Variants in RBFOX1 observed in about 807,000 individuals in gnomAD.
RBFOX1 encodes RNA binding fox-1 homolog 1.
RBFOX1 carries 8 observed loss-of-function variants against 57.7 expected under a neutral mutation model. That is an observed-to-expected ratio of 0.14 (90% CI 0.08 to 0.25). RBFOX1 has a LOEUF of 0.25. Ranked by LOEUF, RBFOX1 falls within the 10% of genes least tolerant of loss-of-function variation. The probability of loss-of-function intolerance (pLI) is 1.00; values close to 1 mark genes in which losing one functional copy is unlikely to be tolerated. For synonymous variants in RBFOX1, 326 were observed against 222.4 expected (o/e 1.47, Z -4.15); for missense variants, 611 against 548.5 (o/e 1.11, Z -1.14).
intron 3 of RBFOX1, among the ~76,000 whole-genome samples, chr16:5,787,118 A>G (rs1482524414): frequency 1.3e-5 from 2 of 152,190 alleles, no homozygotes; most frequent in Non-Finnish European, 2.9e-5. Flanking sequence ...TGGGAAACAG[A>G]GTGAGATACT....
chr16:5,335,951 T>A (rs1380941681), intron 1 of RBFOX1, among the ~76,000 whole-genome samples: 1 of 152,196 alleles, frequency 6.6e-6, no homozygotes. Context: ...TCTTGTTTCC[T>A]TTAATCCTCC....
chr16:7,695,361 A>G (rs1476603597), intron 14 of RBFOX1, among the ~76,000 whole-genome samples: 13 of 151,142 alleles, frequency 8.6e-5, no homozygotes, highest in African/African-American at 1.7e-4. Flanking sequence ...TCGTGGTTTC[A>G]GTGAAAGCCT....
At chr16:5,273,852 C>T (rs1205550650) in intron 1 of RBFOX1, among the ~76,000 whole-genome samples, 1 of 152,006 alleles carries the variant, frequency 6.6e-6, no homozygotes, top group African/African-American at 2.4e-5. Context: ...GTGTGTGAGC[C>T]CAGAATTCTT....
At chr16:7,615,858 C>T (rs896640239) in intron 10 of RBFOX1, among the ~76,000 whole-genome samples, 2 of 152,092 alleles carry the variant, frequency 1.3e-5, no homozygotes, top group Admixed American at 1.3e-4. Context: ...GTCAATAGTG[C>T]TGGGTTTGAG....
At chr16:6,336,840 T>G (rs2083833608) in intron 2 of RBFOX1, among the ~76,000 whole-genome samples, 1 of 152,110 alleles carries the variant, frequency 6.6e-6, no homozygotes, top group Non-Finnish European at 1.5e-5. Context: ...AACACCTGAG[T>G]GAAAACGATC....
chr16:6,484,012 G>A (rs1027502034), intron 2 of RBFOX1: 56 of 903,452 alleles, frequency 6.2e-5, no homozygotes, highest in Non-Finnish European at 7.1e-5. Flanking sequence ...ACTTGGAGAG[G>A]GCTAGGGGGC....
intron 10 of RBFOX1, among the ~76,000 whole-genome samples, chr16:7,611,724 T>G (rs747426687): frequency 7.2e-5 from 11 of 152,142 alleles, no homozygotes; most frequent in Non-Finnish European, 1.6e-4. Flanking sequence ...ACTATTTGCA[T>G]TGATAAATTA....
At chr16:6,118,817 C>G (rs1328061905) in intron 1 of RBFOX1, among the ~76,000 whole-genome samples, 2 of 151,336 alleles carry the variant, frequency 1.3e-5, no homozygotes, top group Admixed American at 6.6e-5. Context: ...TTCCTTCCTT[C>G]CCTCCTTCCT....
chr16:7,653,978 C>T (rs746998569), intron 12 of RBFOX1, 31 bp downstream of exon 12: 300 of 1,460,452 alleles, frequency 2.1e-4, no homozygotes, highest in Non-Finnish European at 2.6e-4. Flanking sequence ...GGTGGGCCTC[C>T]CTGCACCAGC....
intron 1 of RBFOX1, among the ~76,000 whole-genome samples, chr16:5,258,907 T>C (rs58477184): frequency 0.31 from 46,079 of 150,192 alleles, 7,499 homozygotes; most frequent in South Asian, 0.42. Context: ...CAAGAACGAA[T>C]CTCTGAAAAA....
chr16:7,009,711 C>A lies in RBFOX1; in HGVS notation c.-15-42346C>A, dbSNP rs933588385. Among the ~76,000 whole-genome samples, 3 of 152,118 alleles carry A rather than the reference C, an allele frequency of 2.0e-5. No individual in the cohort carries two copies. The East Asian group carries it at 5.8e-4, about 29-fold the overall frequency. ...AAAAATTGAGCAGGCAGCAGTTGAG[C>A]CAACCTAATCAGCCTGATACCACAG... On this transcript the variant is annotated intron_variant, in intron 3 of 15. Coordinates refer to ENST00000550418, the MANE Select transcript of RBFOX1 (RefSeq NM_018723.4).
At chr16:6,787,144 A>C (rs1238676567) in intron 3 of RBFOX1, among the ~76,000 whole-genome samples, 1 of 152,212 alleles carries the variant, frequency 6.6e-6, no homozygotes, top group Non-Finnish European at 1.5e-5. Context: ...GCTCTCCAAG[A>C]AACGTTGATG....
At chr16:7,196,504 C>G (rs982991044) in intron 4 of RBFOX1, among the ~76,000 whole-genome samples, 3 of 152,204 alleles carry the variant, frequency 2.0e-5, no homozygotes, top group Non-Finnish European at 4.4e-5. Flanking sequence ...TAAGAGGCGT[C>G]TACAATGTGC....
intron 11 of RBFOX1, among the ~76,000 whole-genome samples, chr16:7,638,406 T>A (rs534290063): frequency 1.5e-4 from 16 of 108,374 alleles, no homozygotes; most frequent in African/African-American, 5.3e-4. Flanking sequence ...GCCGCCTTCT[T>A]CACTACTCTC....
At chr16:6,692,683 C>T (rs2060378987) in intron 3 of RBFOX1, among the ~76,000 whole-genome samples, 1 of 152,038 alleles carries the variant, frequency 6.6e-6, no homozygotes, top group South Asian at 2.1e-4. Flanking sequence ...TTCCCTTTAA[C>T]CAACACCTAG....
At chr16:6,232,460 G>A (rs1258040668) in intron 1 of RBFOX1, among the ~76,000 whole-genome samples, 1 of 152,176 alleles carries the variant, frequency 6.6e-6, no homozygotes, top group Non-Finnish European at 1.5e-5. Flanking sequence ...GCCCTTTGGG[G>A]ATCCTGGTGA....
chr16:7,133,631 T>G (rs1005097936), intron 4 of RBFOX1, among the ~76,000 whole-genome samples: 1 of 152,198 alleles, frequency 6.6e-6, no homozygotes, highest in Non-Finnish European at 1.5e-5. Flanking sequence ...GGAATGAAAG[T>G]AACCTTGTAG....
intron 3 of RBFOX1, among the ~76,000 whole-genome samples, chr16:5,755,338 C>G (rs559216130): frequency 6.6e-6 from 1 of 152,234 alleles, no homozygotes; most frequent in South Asian, 2.1e-4. Context: ...AATCTGATCT[C>G]TCTTGCTTTT....
At chr16:6,606,614 G>C (rs967441010) in intron 2 of RBFOX1, among the ~76,000 whole-genome samples, 2 of 152,104 alleles carry the variant, frequency 1.3e-5, no homozygotes, top group Non-Finnish European at 2.9e-5. Flanking sequence ...AGAACATGTG[G>C]TGTTTGGTTT....
Sources: gnomAD v4.1 joint callset for allele counts (sites outside exome capture counted in the v4.1 genomes callset) on GRCh38, gnomAD v4.1.1 for gene constraint, MANE v1.5 for transcripts, NCBI Gene and HGNC (gene_info 2026-07-23, HGNC 2026-07-21) for gene names.